TUT1: variants seen among roughly 807,000 people sequenced by gnomAD.
TUT1 encodes the protein speckle targeted PIP5K1A-regulated poly(A) polymerase.
Under a neutral mutation model 48.8 loss-of-function variants are expected in TUT1, and 26 were observed. That is an observed-to-expected ratio of 0.53 (90% CI 0.39 to 0.74). The LOEUF (loss-of-function observed/expected upper bound fraction) is 0.74, where lower values mean the gene tolerates loss of function less well. TUT1 is among the 30% of genes least tolerant of loss of function. TUT1 has a pLI of 0.00. For missense variants in TUT1, 1,065 were observed against 1,114.8 expected (o/e 0.96, Z 0.64); for synonymous variants, 470 against 460.8 (o/e 1.02, Z -0.26).
chr11:62,577,099 A>C (rs968364589), intron 6 of TUT1, 82 bp from the exon 7 acceptor site: 4 of 1,586,938 alleles, frequency 2.5e-6, no homozygotes, highest in Non-Finnish European at 2.6e-6. Flanking sequence ...CCCGGTGCCC[A>C]TTCTGACCTC....
At position 62,575,506 on chromosome 11, in the gene TUT1, C is replaced by T. The variant is rs372977043; in HGVS notation, c.2213G>A (p.Arg738Gln). The T allele has an allele frequency of 3.3e-5, 53 of 1,612,994 alleles. No individual in the cohort carries two copies. The highest frequency in any genetic ancestry group is 3.8e-5 in the Non-Finnish European group (45 of 1,180,034). Residue 738 changes from arginine to glutamine, a missense_variant, in exon 9 of 9, where the codon CGG (arginine) becomes CAG (glutamine). Arg to Gln is a conservative substitution (Grantham distance 43, BLOSUM62 1). Transcript: ENST00000476907. ...GQPSHAALAE[R>Q]GPKGHEAAQE... ...GGCTGCCTCATGTCCCTTGGGCCCC[C>T]GCTCTGCCAGGGCTGCGTGGCTGGG...
Position 62,575,239 on chromosome 11 carries a change from TCA to T in TUT1, c.2478_2479del (p.Glu827AlafsTer13), listed in dbSNP as rs762376439. 3.1e-6 allele frequency: 5 copies of T among 1,614,092 alleles called. No individual in the cohort carries two copies. The highest frequency in any genetic ancestry group is 3.3e-5 in the Admixed American group (2 of 60,016). On this transcript the variant is annotated frameshift_variant, in exon 9 of 9. Coordinates refer to ENST00000476907, the MANE Select transcript of TUT1 (RefSeq NM_022830.3). LOFTEE classifies it high-confidence loss of function. ...AGACGCCACAAAGCTCAGCAGGGGCTCAGTTTCTGGCCTCTCTTCGCCACCAC... is the reference window on the plus strand; with the variant it reads ...AGACGCCACAAAGCTCAGCAGGGGCTGTTTCTGGCCTCTCTTCGCCACCAC...
In TUT1 at chr11:62,586,540, T is replaced by G. The variant is rs111569980; in HGVS notation, c.273+2491A>C. ...ACGCCTGTAATCCCAGCAGTTTGCGTGGCTGAGGTGGGCAGATCACTTGAG... is the reference window on the plus strand; with the variant it reads ...ACGCCTGTAATCCCAGCAGTTTGCGGGGCTGAGGTGGGCAGATCACTTGAG... On this transcript the variant is annotated intron_variant, in intron 2 of 8. Coordinates refer to ENST00000476907, the MANE Select transcript of TUT1 (RefSeq NM_022830.3). 5.7e-4 allele frequency among the ~76,000 whole-genome samples: 86 copies of G among 152,204 alleles called. 1 individual carries two copies. Among genetic ancestry groups the G allele is most frequent in the African/African-American group, 1.9e-3 (81 of 41,558 alleles).
intron 2 of TUT1, among the ~76,000 whole-genome samples, chr11:62,584,127 A>ATTTTT (rs1190506956): frequency 1.5e-5 from 2 of 133,300 alleles, no homozygotes; most frequent in Non-Finnish European, 3.3e-5. Flanking sequence ...ACTGAATTGT[A>ATTTTT]TTTTTTTTTT....
At position 62,578,936 on chromosome 11, in the gene TUT1, G is replaced by A. The variant is rs1399312765; in HGVS notation, c.785C>T (p.Pro262Leu). 2 of 1,560,070 alleles carry A rather than the reference G, an allele frequency of 1.3e-6. No individual in the cohort carries two copies. The highest frequency in any genetic ancestry group is 2.7e-5 in the African/African-American group (2 of 73,164). Reference protein sequence around the residue: ...QALACTPASPPDSQPPASPQD... With the variant: ...QALACTPASPLDSQPPASPQD... ...GGGAGAAGCAGGAGGTTGTGAATCT[G>A]GAGGGGAAGCTGGGGTGCAGGCCAG... Residue 262 changes from proline to leucine, a missense_variant, in exon 5 of 9, where the codon CCA becomes CTA. Transcript: ENST00000476907.
chr11:62,582,160 T>C (rs1941837869), intron 2 of TUT1, among the ~76,000 whole-genome samples: 2 of 151,994 alleles, frequency 1.3e-5, no homozygotes, highest in Admixed American at 6.6e-5. Context: ...TTTTTGTATT[T>C]TCAGTAAAAA....
intron 2 of TUT1, 38 bp from the exon 3 acceptor site, chr11:62,581,739 C>A: frequency 7.5e-7 from 1 of 1,340,088 alleles, no homozygotes; most frequent in Non-Finnish European, 9.6e-7. Context: ...GATTTTGGAA[C>A]CAAGAATCTA....
intron 2 of TUT1, 41 bp from the exon 3 acceptor site, chr11:62,581,742 A>C (rs1941830481): frequency 7.4e-7 from 1 of 1,343,564 alleles, no homozygotes; most frequent in Non-Finnish European, 9.6e-7. Context: ...TTTGGAACCA[A>C]GAATCTAAGC....
At chr11:62,584,516 A>T (rs1941878851) in intron 2 of TUT1, among the ~76,000 whole-genome samples, 1 of 145,440 alleles carries the variant, frequency 6.9e-6, no homozygotes, top group Non-Finnish European at 1.5e-5. Context: ...ATCTTGGCTC[A>T]CAGCAACCTC....
intron 5 of TUT1, among the ~76,000 whole-genome samples, chr11:62,578,063 CAAAA>C (rs200086998): frequency 1.9e-5 from 2 of 107,124 alleles, no homozygotes; most frequent in Non-Finnish European, 3.9e-5. Flanking sequence ...CTCCGTCTCA[CAAAA>C]AAAAAAAAAA....
At chr11:62,582,978 A>C (rs1297284513) in intron 2 of TUT1, among the ~76,000 whole-genome samples, 2 of 151,952 alleles carry the variant, frequency 1.3e-5, no homozygotes, top group Non-Finnish European at 2.9e-5. Flanking sequence ...AATACAAAAA[A>C]TTAGCCAGGC....
chr11:62,584,111 A>C (rs866211847), intron 2 of TUT1, among the ~76,000 whole-genome samples: 4 of 151,876 alleles, frequency 2.6e-5, no homozygotes, highest in South Asian at 2.1e-4. Flanking sequence ...GAATATACTA[A>C]CACTCACTGA....
At chr11:62,579,416 C>T (rs1029578364) in intron 4 of TUT1, among the ~76,000 whole-genome samples, 1 of 152,094 alleles carries the variant, frequency 6.6e-6, no homozygotes, top group African/African-American at 2.4e-5. Context: ...ACTAGAATAC[C>T]TTTACACTAG....
At chr11:62,586,939 A>G (rs550882267) in intron 2 of TUT1, among the ~76,000 whole-genome samples, 11 of 150,132 alleles carry the variant, frequency 7.3e-5, no homozygotes, top group Non-Finnish European at 1.5e-4. Context: ...TCCTGACCTT[A>G]GGTGATCCTC....
chr11:62,575,260 C>T lies in TUT1; in HGVS notation c.2459G>A (p.Gly820Asp), dbSNP rs751203709. ...GGGCTCAGTTTCTGGCCTCTCTTCG[C>T]CACCACTCAGTCCTTTCAGCTCCTG... ...VTQELKGLSG[G>D]EERPETEPLL... is the part of the protein sequence containing the mutation. The change falls in exon 9 of 9, where the codon GGC becomes GAC. Residue 820 changes from glycine to aspartate, a missense_variant. Coordinates refer to ENST00000476907, the MANE Select transcript of TUT1 (RefSeq NM_022830.3). 6.2e-7 allele frequency: 1 copy of T among 1,614,160 alleles called. No homozygotes were observed. The highest frequency in any genetic ancestry group is 2.2e-5 in the East Asian group (1 of 44,878).
In TUT1 at chr11:62,575,056, T is replaced by C. The variant is rs1490818802; in HGVS notation, c.*38A>G. 2.6e-6 allele frequency: 4 copies of C among 1,546,946 alleles called. No individual in the cohort carries two copies. The highest frequency in any genetic ancestry group is 3.5e-6 in the Non-Finnish European group (4 of 1,147,950). On this transcript the variant is annotated 3_prime_UTR_variant, in exon 9 of 9. Transcript: ENST00000476907. ...GAAAGGAAACGGGAGACTGTATTAA[T>C]AAACTAGCAGCTTTATTGCCCTTCA...
Position 62,576,725 on chromosome 11 carries a change from T to G in TUT1, c.1406A>C (p.Asp469Ala), listed in dbSNP as rs1272620037. 6.2e-7 allele frequency: 1 copy of G among 1,614,046 alleles called. No homozygotes were observed. The highest frequency in any genetic ancestry group is 8.5e-7 in the Non-Finnish European group (1 of 1,180,048). ...CCTGGGGAAACTGCAGTCCCAGCCA[T>G]CGACTTCCACCTGTTCCCCCTCTCC... The part of the protein sequence containing the change: ...KAGEGEQVEV[D>A]GWDCSFPRDA... The change falls in exon 8 of 9, where the codon GAT becomes GCT. Residue 469 changes from aspartate (D) to alanine (A), a missense_variant. By Grantham distance (126) the Asp-to-Ala change is moderately radical. Transcript: ENST00000476907.
rs773523947 is a variant in TUT1 at position 62,581,506 on chromosome 11, C to A, written c.469G>T (p.Ala157Ser). The change falls in exon 3 of 9, where the codon GCA (alanine) becomes TCA (serine). Residue 157 changes from alanine to serine, a missense_variant. Physicochemically the swap from Ala to Ser is moderately conservative, Grantham distance 99. Coordinates refer to ENST00000476907, the MANE Select transcript of TUT1 (RefSeq NM_022830.3). The part of the protein sequence containing the change: ...HQLAKALAEA[A>S]DVGAQMIKLV... Reference sequence around the variant, plus strand: ...TTTATCATTTGTGCCCCCACGTCTGCAGCCTCAGCTAGCGCTTTGGCCAGC... The same window carrying A: ...TTTATCATTTGTGCCCCCACGTCTGAAGCCTCAGCTAGCGCTTTGGCCAGC... The A allele has an allele frequency of 1.2e-6, 2 of 1,614,222 alleles. No homozygotes were observed. The highest frequency in any genetic ancestry group is 2.2e-5 in the East Asian group (1 of 44,878).
In TUT1 at chr11:62,575,429, C is replaced by T; in HGVS notation, c.2290G>A (p.Ala764Thr). 6.2e-7 allele frequency: 1 copy of T among 1,611,404 alleles called. No homozygotes were observed. The highest frequency in any genetic ancestry group is 8.5e-7 in the Non-Finnish European group (1 of 1,179,996). The stretch of plus-strand genomic sequence containing the variant: ...TGCCACAAGGCACAGCGCCAGCTCG[C>T]TGAGGAGGGCAGGGATGCCCCCTTC... Reference protein sequence around the residue: ...AGKGASLPSSASWRCALWHRV... With the variant: ...AGKGASLPSSTSWRCALWHRV... The change falls in exon 9 of 9, where the codon GCG (alanine) becomes ACG (threonine). Residue 764 changes from alanine to threonine, a missense_variant. Physicochemically the swap from Ala to Thr is moderately conservative, Grantham distance 58. Coordinates refer to ENST00000476907, the MANE Select transcript of TUT1 (RefSeq NM_022830.3).
Sources: allele counts gnomAD v4.1 joint callset (sites outside exome capture counted in the v4.1 genomes callset), GRCh38; gene constraint gnomAD v4.1.1; transcripts MANE v1.5; gene names NCBI Gene and HGNC (gene_info 2026-07-23, HGNC 2026-07-21).